IMPDH1: variants seen among roughly 807,000 people sequenced by gnomAD.
IMPDH1 encodes the protein inosine-5'-monophosphate dehydrogenase 1.
A neutral mutation model predicts 73.5 loss-of-function variants in IMPDH1; 41 were observed. The observed-to-expected ratio is 0.56, with a 90% CI of 0.43 to 0.72. The LOEUF is 0.72. Ranked by LOEUF, IMPDH1 falls within the 30% of genes least tolerant of loss-of-function variation. The pLI is 0.00. For synonymous variants in IMPDH1, 318 were observed against 334.3 expected (o/e 0.95, Z 0.53); for missense variants, 645 against 824.8 (o/e 0.78, Z 2.67).
At position 128,409,810 on chromosome 7, in the gene IMPDH1, G is replaced by A. The variant is rs993563073; in HGVS notation, c.92C>T (p.Thr31Met). The A allele has an allele frequency of 6.7e-7, 1 of 1,500,172 alleles. No individual in the cohort carries two copies. Among genetic ancestry groups the A allele is most frequent in the Non-Finnish European group, 8.8e-7 (1 of 1,132,288 alleles). The allele number at this position is 1,500,172 out of a possible 1,614,324, so 92.9% of individuals were successfully genotyped here. ...PGARQHPGHE[T>M]AAQRYSARLL... ...TCGGGCGCTGTACCGCTGCGCCGCC[G>A]TCTCGTGTCCCGGGTGTTGCCGGGC... The change falls in exon 1 of 17, where the codon ACG (threonine) becomes ATG (methionine). Residue 31 changes from threonine to methionine, a missense_variant. By Grantham distance (81) the Thr-to-Met change is moderately conservative (BLOSUM62 -1). This residue lies in a region of IMPDH1 where 186 missense variants were observed against 186.6 expected (regional missense o/e 1.00). Coordinates refer to ENST00000338791, the MANE Select transcript of IMPDH1 (RefSeq NM_000883.4).
At chr7:128,401,170 C>T (rs1798310146) in intron 5 of IMPDH1, 54 bp from the exon 6 acceptor site, 2 of 1,334,142 alleles carry the variant, frequency 1.5e-6, no homozygotes, top group African/African-American at 1.4e-5. Flanking sequence ...TGGACACTCA[C>T]TCACTGAGCT....
intron 16 of IMPDH1, among the ~76,000 whole-genome samples, chr7:128,393,303 G>T (rs959189584): frequency 5.3e-5 from 8 of 152,230 alleles, no homozygotes; most frequent in Non-Finnish European, 1.2e-4. Flanking sequence ...AGTGCCCAGG[G>T]TGGAGGGACA....
In IMPDH1 at chr7:128,396,718, G is replaced by A. The variant is rs1797943083; in HGVS notation, c.1166-23C>T. The A allele has an allele frequency of 2.0e-6, 3 of 1,535,620 alleles. No homozygotes were observed. In the South Asian group the frequency reaches 3.6e-5, roughly 18 times the overall value. ...CCACTGGGGGTGGGGATGGGGCAGA[G>A]GAACAATGTGAGGATGGGATGCCCC... On this transcript the variant is annotated intron_variant, in intron 11 of 16. Coordinates refer to ENST00000338791, the MANE Select transcript of IMPDH1 (RefSeq NM_000883.4). This position sits in a 1 kb window ranked among gnomAD's most constrained non-coding sequence, Gnocchi z 4.0.
At chr7:128,397,685 C>CG (rs958156466) in intron 10 of IMPDH1, among the ~76,000 whole-genome samples, 1 of 151,942 alleles carries the variant, frequency 6.6e-6, no homozygotes, top group African/African-American at 2.4e-5. Flanking sequence ...CTCCCTTTAT[C>CG]GGGGGGTGGG....
At position 128,392,598 on chromosome 7, in the gene IMPDH1, G is replaced by A. The variant is rs1056063374; in HGVS notation, c.*409C>T. 1.9e-5 allele frequency: 4 copies of A among 210,192 alleles called. No homozygotes were observed. Among genetic ancestry groups the A allele is most frequent in the East Asian group, 1.3e-4 (1 of 7,534 alleles). The allele number at this position is 210,192 out of a possible 1,614,324, so 13.0% of individuals were successfully genotyped here. A position where few individuals can be genotyped will look rare whatever the true frequency, so the allele number is the denominator to read the frequency against. ...CCACATGGCTGAGGGGCAGCGGCCC[G>A]GGAAGGGCCAGAGGCAGGGCCAGGA... On this transcript the variant is annotated 3_prime_UTR_variant, in exon 17 of 17. Coordinates refer to ENST00000338791, the MANE Select transcript of IMPDH1 (RefSeq NM_000883.4).
At position 128,394,623 on chromosome 7, in the gene IMPDH1, GC is replaced by G; in HGVS notation, c.1551-25del. 1 of 1,612,410 alleles carries G rather than the reference GC, an allele frequency of 6.2e-7. No homozygotes were observed. On this transcript the variant is annotated intron_variant, in intron 14 of 16. Transcript: ENST00000338791. This position sits in a 1 kb window ranked among gnomAD's most constrained non-coding sequence, Gnocchi z 5.5. ...CGCTGCGTGGAGGGTGGAAGACTGA[GC>G]CCAGCAGCTTGAAGCTCAGAGGACC...
At chr7:128,406,295 A>ACC (rs1798764681) in intron 3 of IMPDH1, among the ~76,000 whole-genome samples, 2 of 8,642 alleles carry the variant, frequency 2.3e-4, no homozygotes, top group African/African-American at 9.7e-4. Context: ...ACCCCCCCAC[A>ACC]CCCCCACACC....
chr7:128,400,239 C>T, intron 8 of IMPDH1, 57 bp from the exon 9 acceptor site: 1 of 1,601,654 alleles, frequency 6.2e-7, no homozygotes, highest in Non-Finnish European at 8.6e-7. Flanking sequence ...AGGAGCCAGG[C>T]CTCCCTCTGG....
chr7:128,397,792 T>G (rs1798031994), intron 10 of IMPDH1, among the ~76,000 whole-genome samples: 1 of 152,176 alleles, frequency 6.6e-6, no homozygotes, highest in Admixed American at 6.5e-5. Context: ...AATGGAATAC[T>G]GCATACTGGT....
rs1292424088 is a variant in IMPDH1, at chr7:128,395,262, C to T, written c.1274G>A (p.Gly425Asp). 10 of 1,613,360 alleles carry T rather than the reference C, an allele frequency of 6.2e-6. No individual in the cohort carries two copies. Among genetic ancestry groups the T allele is most frequent in the Non-Finnish European group, 7.6e-6 (9 of 1,180,040 alleles). The change falls in exon 13 of 17, where the codon GGT becomes GAT. Residue 425 changes from glycine (G) to aspartate (D), a missense_variant. This residue lies in a region of IMPDH1 where 459 missense variants were observed against 638.2 expected (regional missense o/e 0.72). Coordinates refer to ENST00000338791, the MANE Select transcript of IMPDH1 (RefSeq NM_000883.4). ...GTACACAGCAGTGCCCTGGGGCCGACCACAGGCCATCACTGGGGGAGGGTG... is the reference window on the plus strand; with the variant it reads ...GTACACAGCAGTGCCCTGGGGCCGATCACAGGCCATCACTGGGGGAGGGTG... Reference protein sequence around the residue: ...ICITQEVMACGRPQGTAVYKV... With the variant: ...ICITQEVMACDRPQGTAVYKV...
At chr7:128,409,565 A>G (rs1268017471) in intron 1 of IMPDH1, 81 bp from the exon 2 acceptor site, 6 of 1,559,950 alleles carry the variant, frequency 3.8e-6, no homozygotes, top group Non-Finnish European at 5.3e-6. Flanking sequence ...CCCTTCGCAC[A>G]GTGCCCGTCT....
In IMPDH1 at chr7:128,392,811, G is replaced by A. The variant is rs72624974; in HGVS notation, c.*196C>T. The stretch of plus-strand genomic sequence containing the variant: ...GGGCTCCCAGGGCAGCCTGGCCCCG[G>A]GAGCAGTCCTGACTCTGCAGGGGAT... On this transcript the variant is annotated 3_prime_UTR_variant, in exon 17 of 17. Transcript: ENST00000338791. The A allele has an allele frequency of 1.3e-3, 768 of 590,176 alleles. 3 individuals are homozygous for A. The highest frequency in any genetic ancestry group is 0.012 in the Middle Eastern group (27 of 2,180). The allele number at this position is 590,176 out of a possible 1,614,324, so 36.6% of individuals were successfully genotyped here.
Position 128,394,301 on chromosome 7 carries a change from C to G in IMPDH1, c.1755G>C (p.Glu585Asp). 1 of 1,614,076 alleles carries G rather than the reference C, an allele frequency of 6.2e-7. No individual in the cohort carries two copies. Among genetic ancestry groups the G allele is most frequent in the Non-Finnish European group, 8.5e-7 (1 of 1,179,992 alleles). The change falls in exon 16 of 17, where the codon GAG becomes GAC. Residue 585 changes from glutamate (E) to aspartate (D), a missense_variant. Physicochemically the swap from Glu to Asp is conservative, Grantham distance 45. Transcript: ENST00000338791. This position sits in a 1 kb window ranked among gnomAD's most constrained non-coding sequence, Gnocchi z 5.5. ...FEKRTMSAQI[E>D]GGVHGLHSYE... The stretch of plus-strand genomic sequence containing the variant: ...ACGAGTGCAGGCCATGGACACCACC[C>G]TCAATCTGGGCCGACATGGTCCGCT...
At chr7:128,393,876 C>T (rs1311967828) in intron 16 of IMPDH1, 3 of 339,926 alleles carry the variant, frequency 8.8e-6, no homozygotes, top group East Asian at 7.3e-5. Context: ...GTTGCCCCAG[C>T]GCTGGCCCTG....
chr7:128,407,595 CAGA>C (rs1301178697), intron 3 of IMPDH1, among the ~76,000 whole-genome samples: 1 of 152,166 alleles, frequency 6.6e-6, no homozygotes, highest in Non-Finnish European at 1.5e-5. Context: ...TTTCTGGCCA[CAGA>C]AGAACAGAGC....
Position 128,395,184 on chromosome 7 carries a change from C to T in IMPDH1, c.1352G>A (p.Gly451Asp), listed in dbSNP as rs1431096260. The change falls in exon 13 of 17, where the codon GGC becomes GAC. Residue 451 changes from glycine (G) to aspartate (D), a missense_variant. Physicochemically the swap from Gly to Asp is moderately conservative, Grantham distance 94 (BLOSUM62 -1). Coordinates refer to ENST00000338791, the MANE Select transcript of IMPDH1 (RefSeq NM_000883.4). Reference sequence around the variant, plus strand: ...GACCACGTGTCCCACGGTCTGGATGCCGCCATCGGCTATGATGGGCACACC... The same window carrying T: ...GACCACGTGTCCCACGGTCTGGATGTCGCCATCGGCTATGATGGGCACACC... ...RFGVPIIADGGIQTVGHVVKA... is the reference protein window; with the variant it reads ...RFGVPIIADGDIQTVGHVVKA... The T allele has an allele frequency of 1.9e-6, 3 of 1,613,904 alleles. No individual in the cohort carries two copies. Among genetic ancestry groups the T allele is most frequent in the Non-Finnish European group, 2.5e-6 (3 of 1,180,048 alleles).
At chr7:128,395,348 G>A in intron 12 of IMPDH1, 74 bp from the exon 13 acceptor site, 1 of 1,556,800 alleles carries the variant, frequency 6.4e-7, no homozygotes, top group Admixed American at 1.7e-5. Context: ...GGCCAGCCCA[G>A]CTCTTCCTCC....
chr7:128,405,736 C>T, intron 4 of IMPDH1, 31 bp downstream of exon 4: 1 of 1,521,774 alleles, frequency 6.6e-7, no homozygotes, highest in Non-Finnish European at 8.8e-7. Context: ...CGTGGATGCG[C>T]GCACCTAGGG....
intron 5 of IMPDH1, among the ~76,000 whole-genome samples, chr7:128,401,713 G>A (rs116560153): frequency 0.013 from 2,026 of 152,266 alleles, 48 homozygotes; most frequent in African/African-American, 0.046. Flanking sequence ...ATGGATTCTG[G>A]GTGACAAGGG....
Sources: gnomAD v4.1 joint callset for allele counts (sites outside exome capture counted in the v4.1 genomes callset) on GRCh38, gnomAD v4.1.1 for gene constraint, gnomAD v4.1.1 regional missense constraint, Gnocchi (gnomAD v3.1) non-coding constraint, MANE v1.5 for transcripts, NCBI Gene and HGNC (gene_info 2026-07-23, HGNC 2026-07-21) for gene names.